The following ASXL3 variants were observed in gnomAD, a reference collection of about 807,000 sequenced individuals.
The protein encoded by ASXL3 is putative Polycomb group protein ASXL3.
In ASXL3, 34 loss-of-function variants were observed where a neutral mutation model predicts 170.6. That is an observed-to-expected ratio of 0.20 (90% CI 0.15 to 0.27). ASXL3 has a LOEUF of 0.27. ASXL3 is among the 10% of genes least tolerant of loss of function. The probability of loss-of-function intolerance (pLI) is 1.00; values close to 1 mark genes in which losing one functional copy is unlikely to be tolerated. For synonymous variants in ASXL3, 1,002 were observed against 989.1 expected, an observed-to-expected ratio of 1.01 and a Z score of -0.24; for missense variants, 2,592 against 2,695.3, an observed-to-expected ratio of 0.96 and a Z score of 0.85.
rs573912777 is a variant in ASXL3 at position 33,633,540 on chromosome 18, A to G, written c.138-11354A>G. Among the ~76,000 whole-genome samples the G allele has an allele frequency of 2.0e-5, 3 of 152,176 alleles. No individual in the cohort carries two copies. In the South Asian group the frequency reaches 6.2e-4, roughly 32 times the overall value. On this transcript the variant is annotated intron_variant, in intron 2 of 11. Coordinates refer to ENST00000269197, the MANE Select transcript of ASXL3 (RefSeq NM_030632.3). ...CAATTTTCCACTATTTGTAAGCAGA[A>G]TATACACTTGTAAAAAATTCACGCA...
intron 1 of ASXL3, among the ~76,000 whole-genome samples, chr18:33,587,375 C>G (rs2065043270): frequency 6.6e-6 from 1 of 152,090 alleles, no homozygotes; most frequent in Non-Finnish European, 1.5e-5. Flanking sequence ...TTACATTTAT[C>G]AGCTTATTTA....
chr18:33,715,942 A>G (rs1003078676), intron 8 of ASXL3, among the ~76,000 whole-genome samples: 2 of 152,214 alleles, frequency 1.3e-5, no homozygotes, highest in Non-Finnish European at 2.9e-5. Context: ...AGACAAACAC[A>G]GTAAGTCACA....
At chr18:33,619,476 A>G (rs1288601573) in intron 2 of ASXL3, among the ~76,000 whole-genome samples, 1 of 151,446 alleles carries the variant, frequency 6.6e-6, no homozygotes. Flanking sequence ...TCCACAACCC[A>G]CTTACATTTG....
chr18:33,684,307 A>G (rs935545312), intron 8 of ASXL3, among the ~76,000 whole-genome samples: 2 of 152,164 alleles, frequency 1.3e-5, no homozygotes, highest in East Asian at 1.9e-4. Flanking sequence ...ATCATTTTCA[A>G]TTGATGGACT....
intron 2 of ASXL3, among the ~76,000 whole-genome samples, chr18:33,630,011 G>A (rs542052491): frequency 6.6e-6 from 1 of 152,028 alleles, no homozygotes; most frequent in Non-Finnish European, 1.5e-5. Context: ...GCAAGCATAG[G>A]CATTTCTGCG....
At chr18:33,709,599 A>G (rs1175314338) in intron 8 of ASXL3, among the ~76,000 whole-genome samples, 1 of 152,174 alleles carries the variant, frequency 6.6e-6, no homozygotes, top group African/African-American at 2.4e-5. Flanking sequence ...GTGGTGTTAG[A>G]TTACTCTTAG....
intron 2 of ASXL3, among the ~76,000 whole-genome samples, chr18:33,629,883 C>T (rs1402644764): frequency 6.6e-6 from 1 of 151,980 alleles, no homozygotes; most frequent in African/African-American, 2.4e-5. Flanking sequence ...ATTTTAAAAA[C>T]TATTAGCTTG....
intron 4 of ASXL3, among the ~76,000 whole-genome samples, chr18:33,659,877 A>G (rs1313245138): frequency 2.0e-5 from 3 of 152,138 alleles, no homozygotes; most frequent in African/African-American, 4.8e-5. Context: ...TCTTTTTGCT[A>G]CTTCAACCAT....
chr18:33,694,485 T>C (rs903447847), intron 8 of ASXL3, among the ~76,000 whole-genome samples: 5 of 152,160 alleles, frequency 3.3e-5, no homozygotes, highest in Admixed American at 6.6e-5. Flanking sequence ...GTCATCGATA[T>C]CATTTTTACT....
At chr18:33,606,901 G>A (rs1167034340) in intron 1 of ASXL3, among the ~76,000 whole-genome samples, 4 of 151,966 alleles carry the variant, frequency 2.6e-5, no homozygotes, top group African/African-American at 9.7e-5. Flanking sequence ...GAAATAATCA[G>A]CTATGTCCTG....
At chr18:33,737,224 G>T (rs1336967833) in intron 10 of ASXL3, among the ~76,000 whole-genome samples, 1 of 152,090 alleles carries the variant, frequency 6.6e-6, no homozygotes, top group Non-Finnish European at 1.5e-5. Context: ...AATAAAGAAG[G>T]CTATGGCCAA....
At chr18:33,716,579 T>A (rs1051801379) in intron 8 of ASXL3, among the ~76,000 whole-genome samples, 1 of 152,096 alleles carries the variant, frequency 6.6e-6, no homozygotes, top group African/African-American at 2.4e-5. Context: ...TGTTTTAGGA[T>A]TTTTGTGTAG....
intron 8 of ASXL3, among the ~76,000 whole-genome samples, chr18:33,730,870 C>T (rs944688867): frequency 1.3e-5 from 2 of 152,008 alleles, no homozygotes; most frequent in Non-Finnish European, 2.9e-5. Flanking sequence ...AAATGAAATC[C>T]TGCCTGAAAA....
intron 8 of ASXL3, among the ~76,000 whole-genome samples, chr18:33,687,248 G>A (rs1293117696): frequency 6.6e-6 from 1 of 152,074 alleles, no homozygotes; most frequent in Non-Finnish European, 1.5e-5. Flanking sequence ...AGAAAGGGAC[G>A]GGTGACTTGG....
At chr18:33,650,860 A>G (rs1199586113) in intron 4 of ASXL3, among the ~76,000 whole-genome samples, 2 of 152,136 alleles carry the variant, frequency 1.3e-5, no homozygotes, top group African/African-American at 4.8e-5. Context: ...CCACAATTGC[A>G]TCTCCATGTA....
In ASXL3 at chr18:33,667,717, C is replaced by G. The variant is rs140381689; in HGVS notation, c.478-2956C>G. On this transcript the variant is annotated intron_variant, in intron 5 of 11. Transcript: ENST00000269197. The stretch of plus-strand genomic sequence containing the variant: ...AATTGGTTCTCCCCGCCCAAGTTAC[C>G]CTACTTCATCTTTCTGGCATAATTT... Among the ~76,000 whole-genome samples the G allele has an allele frequency of 2.8e-3, 431 of 152,220 alleles. 2 individuals are homozygous for G. The highest frequency in any genetic ancestry group is 9.6e-3 in the African/African-American group (397 of 41,552).
At chr18:33,614,185 G>T (rs535607355) in intron 2 of ASXL3, 1 of 152,230 alleles carries the variant, frequency 6.6e-6, no homozygotes, top group East Asian at 1.9e-4. Context: ...TTTAACTGGA[G>T]TCAGCCCTCC....
chr18:33,635,181 A>T (rs2065746073), intron 2 of ASXL3, among the ~76,000 whole-genome samples: 2 of 152,198 alleles, frequency 1.3e-5, no homozygotes, highest in Admixed American at 6.5e-5. Flanking sequence ...AAATGGATTA[A>T]TAGAGCCTCA....
intron 1 of ASXL3, among the ~76,000 whole-genome samples, chr18:33,581,148 T>A (rs73955156): frequency 0.064 from 9,750 of 152,178 alleles, 1,062 homozygotes; most frequent in African/African-American, 0.22. Flanking sequence ...GATAAAATAT[T>A]TTTACTTTTA....
Sources: allele counts gnomAD v4.1 joint callset (sites outside exome capture counted in the v4.1 genomes callset), GRCh38; gene constraint gnomAD v4.1.1; transcripts MANE v1.5; gene names NCBI Gene and HGNC (gene_info 2026-07-23, HGNC 2026-07-21).